GRIK2: variants seen among roughly 807,000 people sequenced by gnomAD.
GRIK2 encodes the protein glutamate ionotropic receptor kainate type subunit 2.
GRIK2 carries 32 observed loss-of-function variants against 100.3 expected under a neutral mutation model. The ratio of observed to expected loss-of-function variants is 0.32; its 90% confidence interval spans 0.24 to 0.43. GRIK2 has a LOEUF of 0.43. Ranked by LOEUF, GRIK2 falls within the 20% of genes least tolerant of loss-of-function variation. The pLI, the probability that GRIK2 is intolerant of heterozygous loss-of-function variation, is 1.00. For synonymous variants in GRIK2, 417 were observed against 389.4 expected, an observed-to-expected ratio of 1.07 and a Z score of -0.83; for missense variants, 843 against 1,114.9, an observed-to-expected ratio of 0.76 and a Z score of 3.47.
chr6:101,754,723 G>A (rs1277210193), intron 7 of GRIK2, among the ~76,000 whole-genome samples: 1 of 152,172 alleles, frequency 6.6e-6, no homozygotes, highest in Non-Finnish European at 1.5e-5. Flanking sequence ...TCAGGGAGGT[G>A]CAGCCTATGC....
intron 15 of GRIK2, among the ~76,000 whole-genome samples, chr6:102,049,763 G>T (rs1186510699): frequency 6.6e-6 from 1 of 152,096 alleles, no homozygotes; most frequent in Non-Finnish European, 1.5e-5. Flanking sequence ...GAATGATTTT[G>T]TTTCTGACCC....
At chr6:101,917,798 TTAAAG>T (rs1000926982) in intron 12 of GRIK2, among the ~76,000 whole-genome samples, 8 of 151,578 alleles carry the variant, frequency 5.3e-5, no homozygotes, top group East Asian at 1.9e-4. Context: ...ACTTTGGAAA[TTAAAG>T]TAAAAAGTAG....
intron 2 of GRIK2, among the ~76,000 whole-genome samples, chr6:101,429,332 G>T (rs561976542): frequency 6.6e-6 from 1 of 152,152 alleles, no homozygotes; most frequent in African/African-American, 2.4e-5. Flanking sequence ...CTTGTTGCTC[G>T]TAATGTTTCA....
intron 14 of GRIK2, among the ~76,000 whole-genome samples, chr6:101,951,061 C>T (rs575993116): frequency 6.6e-6 from 1 of 152,110 alleles, no homozygotes; most frequent in African/African-American, 2.4e-5. Context: ...TGTTGTGAAT[C>T]GTCATTTGTT....
chr6:101,904,011 G>T (rs567790230), intron 12 of GRIK2, among the ~76,000 whole-genome samples: 1 of 151,196 alleles, frequency 6.6e-6, no homozygotes, highest in African/African-American at 2.4e-5. Flanking sequence ...TTGCAATAAA[G>T]AAATCTGATT....
intron 11 of GRIK2, among the ~76,000 whole-genome samples, chr6:101,885,149 G>T (rs746652130): frequency 1.3e-5 from 2 of 152,090 alleles, no homozygotes; most frequent in African/African-American, 4.8e-5. Flanking sequence ...TGACTTATAT[G>T]TGAAATAACC....
chr6:101,432,316 A>G (rs1429723423), intron 2 of GRIK2, among the ~76,000 whole-genome samples: 1 of 152,126 alleles, frequency 6.6e-6, no homozygotes, highest in African/African-American at 2.4e-5. Context: ...ACTCTGTCCT[A>G]TGTGCTTACT....
chr6:102,016,414 T>A (rs1795835905), intron 14 of GRIK2, among the ~76,000 whole-genome samples: 1 of 152,040 alleles, frequency 6.6e-6, no homozygotes. Context: ...AAGACTGTTT[T>A]TCTGAAATAG....
At chr6:101,938,379 A>AT (rs1790740060) in intron 14 of GRIK2, among the ~76,000 whole-genome samples, 1 of 152,118 alleles carries the variant, frequency 6.6e-6, no homozygotes, top group Non-Finnish European at 1.5e-5. Context: ...CTCCAGATAG[A>AT]TCAGGAAAAG....
intron 7 of GRIK2, among the ~76,000 whole-genome samples, chr6:101,794,481 T>C (rs901688827): frequency 6.6e-6 from 1 of 152,206 alleles, no homozygotes; most frequent in Non-Finnish European, 1.5e-5. Flanking sequence ...TCTTTAATTG[T>C]TTTTGTTTGT....
At chr6:101,638,013 G>A (rs1781104784) in intron 4 of GRIK2, among the ~76,000 whole-genome samples, 1 of 151,542 alleles carries the variant, frequency 6.6e-6, no homozygotes, top group South Asian at 2.1e-4. Context: ...ATTATTTCTT[G>A]ATGCAAGAGT....
intron 2 of GRIK2, among the ~76,000 whole-genome samples, chr6:101,458,193 C>T (rs1484078840): frequency 6.8e-6 from 1 of 146,984 alleles, no homozygotes; most frequent in Admixed American, 6.8e-5. Flanking sequence ...GAGAAGGGAT[C>T]TTTTTTTTTT....
chr6:101,765,977 A>G (rs906098836), intron 7 of GRIK2, among the ~76,000 whole-genome samples: 1 of 152,144 alleles, frequency 6.6e-6, no homozygotes, highest in Non-Finnish European at 1.5e-5. Flanking sequence ...AAAATGTTGC[A>G]TATGAGTTTA....
intron 16 of GRIK2, among the ~76,000 whole-genome samples, chr6:102,061,992 G>A (rs1297707227): frequency 1.3e-5 from 2 of 149,092 alleles, no homozygotes; most frequent in Non-Finnish European, 3.0e-5. Flanking sequence ...GCATTTCACA[G>A]CTATATTGAT....
intron 2 of GRIK2, among the ~76,000 whole-genome samples, chr6:101,499,791 G>A (rs1468148958): frequency 1.3e-5 from 2 of 152,068 alleles, no homozygotes; most frequent in African/African-American, 4.8e-5. Flanking sequence ...TATACGCGTT[G>A]TAAGATCCAT....
intron 7 of GRIK2, among the ~76,000 whole-genome samples, chr6:101,713,135 G>A (rs992963022): frequency 2.6e-5 from 4 of 151,656 alleles, no homozygotes; most frequent in Non-Finnish European, 5.9e-5. Context: ...CAAACCAATG[G>A]GACTATGACG....
At position 102,041,184 on chromosome 6, in the gene GRIK2, T is replaced by C. The variant is rs557588036; in HGVS notation, c.2311+5618T>C. Among the ~76,000 whole-genome samples, 33 of 151,744 alleles carry C rather than the reference T, an allele frequency of 2.2e-4. 1 individual carries two copies. Among genetic ancestry groups the C allele is most frequent in the Non-Finnish European group, 4.4e-4 (30 of 67,716 alleles). ...CTTCAACAGGGAATTTGATGAATTG[T>C]GAGCACCACTGTGAACAGCCGTGAT... On this transcript the variant is annotated intron_variant, in intron 15 of 16. Coordinates refer to ENST00000369134, the MANE Select transcript of GRIK2 (RefSeq NM_021956.5).
rs1352683169 is a variant in GRIK2 at position 101,759,079 on chromosome 6, CAG to C, written c.952-40564_952-40563del. Among the ~76,000 whole-genome samples, 4 of 152,122 alleles carry C rather than the reference CAG, an allele frequency of 2.6e-5. 1 individual carries two copies. The highest frequency in any genetic ancestry group is 5.9e-5 in the Non-Finnish European group (4 of 68,010). On this transcript the variant is annotated intron_variant, in intron 7 of 16. Transcript: ENST00000369134. ...AATGATGCTTGACAACATGCTGTCT[CAG>C]AGAGTTTCATTTTTGCATATCAAGT...
intron 2 of GRIK2, among the ~76,000 whole-genome samples, chr6:101,475,883 A>G (rs1772202197): frequency 6.6e-6 from 1 of 152,040 alleles, no homozygotes; most frequent in African/African-American, 2.4e-5. Context: ...ACAGTAGAAG[A>G]GTAGTTGAAT....
Sources: allele counts gnomAD v4.1 joint callset (sites outside exome capture counted in the v4.1 genomes callset), GRCh38; gene constraint gnomAD v4.1.1; transcripts MANE v1.5; gene names NCBI Gene and HGNC (gene_info 2026-07-23, HGNC 2026-07-21).